Variants in ASAP1 observed in about 807,000 individuals in gnomAD.
ASAP1 encodes the protein arf-GAP with SH3 domain, ANK repeat and PH domain-containing protein 1.
ASAP1 carries 43 observed loss-of-function variants against 145.2 expected under a neutral mutation model. The ratio of observed to expected loss-of-function variants is 0.30; its 90% CI spans 0.23 to 0.38. The LOEUF (loss-of-function observed/expected upper bound fraction) is 0.38. ASAP1 is among the 10% of genes least tolerant of loss of function. The pLI is 1.00. For missense variants in ASAP1, 1,018 were observed against 1,355.3 expected, an observed-to-expected ratio of 0.75 and a Z score of 3.91; for synonymous variants, 546 against 515.5, an observed-to-expected ratio of 1.06 and a Z score of -0.80.
At chr8:130,180,653 C>A in intron 8 of ASAP1, 98 bp downstream of exon 8, 2 of 1,388,058 alleles carry the variant, frequency 1.4e-6, no homozygotes, top group Admixed American at 2.3e-5. Flanking sequence ...CTCTAATAAT[C>A]AAACAGAGTC....
chr8:130,124,468 G>A (rs529582265), intron 17 of ASAP1, among the ~76,000 whole-genome samples: 5 of 152,354 alleles, frequency 3.3e-5, no homozygotes, highest in South Asian at 4.1e-4. Flanking sequence ...CTCCATATGT[G>A]AGTCTAGGTT....
intron 2 of ASAP1, among the ~76,000 whole-genome samples, chr8:130,395,557 C>T (rs576533788): frequency 1.5e-4 from 23 of 152,308 alleles, no homozygotes; most frequent in African/African-American, 4.8e-4. Flanking sequence ...GCTGGTGACA[C>T]CAGACACTAC....
chr8:130,437,979 A>C (rs902328003), intron 1 of ASAP1, among the ~76,000 whole-genome samples: 2 of 152,236 alleles, frequency 1.3e-5, no homozygotes, highest in African/African-American at 4.8e-5. Context: ...AAGAGGAAAC[A>C]CCAAAAATAT....
rs1376737827 is a variant in ASAP1, at chr8:130,118,631, C to T, written c.1652G>A (p.Arg551Lys). 8.7e-6 allele frequency: 14 copies of T among 1,613,738 alleles called. No homozygotes were observed. Among genetic ancestry groups the T allele is most frequent in the Non-Finnish European group, 1.2e-5 (14 of 1,179,856 alleles). Residue 551 changes from arginine (R) to lysine (K), a missense_variant, in exon 19 of 30, where the codon AGG (arginine) becomes AAG (lysine). Coordinates refer to ENST00000518721, the MANE Select transcript of ASAP1 (RefSeq NM_018482.4). ...EYITAKYVDH[R>K]FSRKTCSTSS... The stretch of plus-strand genomic sequence containing the variant: ...AGTTGAACAGGTCTTCCTTGAAAAC[C>T]TATGATCTACATACTTTGCAGTGAT...
At chr8:130,355,292 G>T (rs1826238839) in intron 3 of ASAP1, among the ~76,000 whole-genome samples, 1 of 152,194 alleles carries the variant, frequency 6.6e-6, no homozygotes, top group Non-Finnish European at 1.5e-5. Flanking sequence ...CATAGTAAAA[G>T]AAAGAGTATG....
At chr8:130,379,045 G>C (rs996639724) in intron 2 of ASAP1, among the ~76,000 whole-genome samples, 7 of 152,184 alleles carry the variant, frequency 4.6e-5, no homozygotes, top group African/African-American at 1.7e-4. Flanking sequence ...CGGCCAAAAA[G>C]ATGTCTGGGG....
intron 1 of ASAP1, among the ~76,000 whole-genome samples, chr8:130,407,487 G>T (rs13276168): frequency 0.33 from 49,554 of 152,062 alleles, 8,853 homozygotes; most frequent in African/African-American, 0.46. Flanking sequence ...GTACATAGAC[G>T]CTCAATAAAT....
chr8:130,329,261 G>A (rs1301613908), intron 3 of ASAP1, among the ~76,000 whole-genome samples: 1 of 152,162 alleles, frequency 6.6e-6, no homozygotes, highest in Non-Finnish European at 1.5e-5. Context: ...CCTGGTCTCT[G>A]TTGCTCCTCT....
intron 3 of ASAP1, among the ~76,000 whole-genome samples, chr8:130,297,631 G>A (rs575281099): frequency 6.6e-6 from 1 of 152,340 alleles, no homozygotes; most frequent in African/African-American, 2.4e-5. Context: ...GAACCTCTCA[G>A]AGTCCTACTG....
intron 5 of ASAP1, among the ~76,000 whole-genome samples, chr8:130,199,133 T>C (rs1393543486): frequency 6.6e-6 from 1 of 152,228 alleles, no homozygotes; most frequent in African/African-American, 2.4e-5. Flanking sequence ...AGTGGCAGAA[T>C]AGGCTCACTT....
chr8:130,399,060 A>T (rs1184571281), intron 2 of ASAP1, among the ~76,000 whole-genome samples: 2 of 152,236 alleles, frequency 1.3e-5, no homozygotes, highest in Non-Finnish European at 2.9e-5. Context: ...AAGTAGGAAC[A>T]GGAGGTGCAA....
At chr8:130,241,794 A>C (rs1565126252) in intron 3 of ASAP1, among the ~76,000 whole-genome samples, 1 of 152,128 alleles carries the variant, frequency 6.6e-6, no homozygotes, top group African/African-American at 2.4e-5. Flanking sequence ...TATTTTATTG[A>C]AATATATTTA....
rs577105138 is a variant in ASAP1 at position 130,299,883 on chromosome 8, G to C, written c.186+58134C>G. On this transcript the variant is annotated intron_variant, in intron 3 of 29. Coordinates refer to ENST00000518721, the MANE Select transcript of ASAP1 (RefSeq NM_018482.4). ...CAATGAAAAACATCAAGATAAAATA[G>C]TATAAATAGATGAGGTGGCTATTTT... is the stretch of plus-strand genomic sequence containing the variant. Among the ~76,000 whole-genome samples, 6 of 152,108 alleles carry C rather than the reference G, an allele frequency of 3.9e-5. No homozygotes were observed. The East Asian group carries it at 9.6e-4, about 24-fold the overall frequency.
intron 3 of ASAP1, among the ~76,000 whole-genome samples, chr8:130,284,887 G>C (rs1821508404): frequency 1.0e-5 from 1 of 96,400 alleles, no homozygotes; most frequent in Non-Finnish European, 2.5e-5. Context: ...ACACCATACT[G>C]AGAGAGAGAG....
At chr8:130,283,282 A>G (rs1821362400) in intron 3 of ASAP1, among the ~76,000 whole-genome samples, 1 of 151,866 alleles carries the variant, frequency 6.6e-6, no homozygotes. Context: ...CAAACAAACA[A>G]ACAAAAACCA....
chr8:130,065,900 G>C (rs2097429716), intron 27 of ASAP1, among the ~76,000 whole-genome samples: 1 of 152,160 alleles, frequency 6.6e-6, no homozygotes, highest in Non-Finnish European at 1.5e-5. Context: ...CTTGTGCAGA[G>C]CTGTTTCGCA....
At chr8:130,178,093 T>G (rs745920180) in intron 9 of ASAP1, among the ~76,000 whole-genome samples, 5 of 152,236 alleles carry the variant, frequency 3.3e-5, no homozygotes, top group Non-Finnish European at 5.9e-5. Flanking sequence ...AATGTTTCAG[T>G]TGAATACAGG....
At chr8:130,437,050 A>G (rs1246663072) in intron 1 of ASAP1, among the ~76,000 whole-genome samples, 1 of 150,948 alleles carries the variant, frequency 6.6e-6, no homozygotes, top group African/African-American at 2.4e-5. Context: ...AGTTGCAGTG[A>G]GCCAAAATCA....
chr8:130,083,564 A>G (rs558779148), intron 25 of ASAP1: 8 of 152,306 alleles, frequency 5.3e-5, no homozygotes, highest in East Asian at 1.9e-4. Flanking sequence ...ATTCCGTCAT[A>G]TATCAACTGG....
Sources: gnomAD v4.1 joint callset for allele counts (sites outside exome capture counted in the v4.1 genomes callset) on GRCh38, gnomAD v4.1.1 for gene constraint, MANE v1.5 for transcripts, NCBI Gene and HGNC (gene_info 2026-07-23, HGNC 2026-07-21) for gene names.